Variants in ADAM22 observed in about 807,000 individuals in gnomAD.
ADAM22 encodes disintegrin and metalloproteinase domain-containing protein 22.
In ADAM22, 65 loss-of-function variants were observed where a neutral mutation model predicts 144.6. That is an observed-to-expected ratio of 0.45 (90% CI 0.37 to 0.55). The LOEUF (loss-of-function observed/expected upper bound fraction) is 0.55, where lower values mean the gene tolerates loss of function less well. Ranked by LOEUF, ADAM22 falls within the 20% of genes least tolerant of loss-of-function variation. The pLI is 0.00. For synonymous variants in ADAM22, 391 were observed against 412.6 expected (o/e 0.95, Z 0.63); for missense variants, 974 against 1,184.9 (o/e 0.82, Z 2.61).
chr7:88,035,827 T>C (rs1021217085), intron 3 of ADAM22, among the ~76,000 whole-genome samples: 3 of 152,206 alleles, frequency 2.0e-5, no homozygotes, highest in Admixed American at 2.0e-4. Flanking sequence ...CAAGGGATGA[T>C]TTTAGTCGTG....
intron 2 of ADAM22, among the ~76,000 whole-genome samples, chr7:87,955,608 C>A (rs989351035): frequency 6.6e-6 from 1 of 152,174 alleles, no homozygotes; most frequent in African/African-American, 2.4e-5. Context: ...AGGCAGTCTG[C>A]CCGTTCTCAG....
chr7:88,168,352 C>A (rs758040461), intron 25 of ADAM22, 125 bp downstream of exon 25: 2 of 942,172 alleles, frequency 2.1e-6, no homozygotes, highest in South Asian at 1.3e-5. Context: ...CAGCTTGGCT[C>A]AGCAGCCAGT....
intron 3 of ADAM22, among the ~76,000 whole-genome samples, chr7:88,035,059 G>C (rs1292662342): frequency 6.6e-6 from 1 of 152,124 alleles, no homozygotes; most frequent in African/African-American, 2.4e-5. Flanking sequence ...TTCCTGCAGA[G>C]AGGATGACCT....
intron 4 of ADAM22, among the ~76,000 whole-genome samples, chr7:88,101,165 G>A (rs1266178851): frequency 6.6e-6 from 1 of 151,930 alleles, no homozygotes; most frequent in Non-Finnish European, 1.5e-5. Context: ...TTGGTATGGG[G>A]TGAGGCTGTG....
intron 3 of ADAM22, among the ~76,000 whole-genome samples, chr7:88,021,083 C>T (rs955698201): frequency 2.2e-4 from 33 of 152,220 alleles, no homozygotes; most frequent in Non-Finnish European, 3.8e-4. Flanking sequence ...CTCTTATCTT[C>T]TGTCCTGCCT....
intron 22 of ADAM22, among the ~76,000 whole-genome samples, chr7:88,161,227 C>A (rs1841557695): frequency 1.3e-5 from 2 of 149,446 alleles, no homozygotes; most frequent in African/African-American, 2.5e-5. Flanking sequence ...GGAAAGGACT[C>A]CCTATTCAAT....
intron 3 of ADAM22, among the ~76,000 whole-genome samples, chr7:88,069,963 G>A (rs1358177052): frequency 6.6e-6 from 1 of 152,004 alleles, no homozygotes; most frequent in African/African-American, 2.4e-5. Context: ...GTCCTTTTGT[G>A]GTTCTTGGGT....
Position 88,179,189 on chromosome 7 carries a change from TTACTC to T in ADAM22, c.2495+65_2495+69del, listed in dbSNP as rs796587667. ...AAAAATAGTATCCTTTGTTCTTTGA[TTACTC>T]TACTTCAAAATGCCATATGCTCAGA... is the stretch of plus-strand genomic sequence containing the variant. On this transcript the variant is annotated intron_variant, in intron 27 of 31. Transcript: ENST00000413139. The T allele has an allele frequency of 1.0e-3, 661 of 664,030 alleles. 2 individuals carry two copies. Among genetic ancestry groups the T allele is most frequent in the East Asian group, 4.8e-3 (166 of 34,910 alleles). 41.1% of individuals were successfully genotyped at this position (664,030 alleles called of 1,614,324 possible). A position where few individuals can be genotyped will look rare whatever the true frequency, so the allele number is the denominator to read the frequency against.
intron 4 of ADAM22, among the ~76,000 whole-genome samples, chr7:88,101,247 G>C (rs561829355): frequency 6.6e-6 from 1 of 152,208 alleles, no homozygotes; most frequent in African/African-American, 2.4e-5. Flanking sequence ...AGGGTGGGGT[G>C]AGAAAGGGTC....
At chr7:88,167,156 A>G (rs1029090475) in intron 24 of ADAM22, among the ~76,000 whole-genome samples, 1 of 152,178 alleles carries the variant, frequency 6.6e-6, no homozygotes, top group Non-Finnish European at 1.5e-5. Flanking sequence ...TCTGATGTAT[A>G]AAAGGATGCC....
At chr7:88,091,062 G>A (rs1000264330) in intron 4 of ADAM22, among the ~76,000 whole-genome samples, 2 of 152,140 alleles carry the variant, frequency 1.3e-5, no homozygotes, top group Non-Finnish European at 2.9e-5. Context: ...GTCATAGTGA[G>A]CTAGCTTCAT....
At chr7:88,161,327 G>T (rs1405377286) in intron 22 of ADAM22, among the ~76,000 whole-genome samples, 2 of 151,902 alleles carry the variant, frequency 1.3e-5, no homozygotes, top group Non-Finnish European at 2.9e-5. Flanking sequence ...ACTCAAGATA[G>T]ATTGAAGACT....
chr7:87,961,684 A>G (rs180858034), intron 2 of ADAM22, among the ~76,000 whole-genome samples: 4 of 152,324 alleles, frequency 2.6e-5, no homozygotes, highest in African/African-American at 9.6e-5. Context: ...AGATACTTCT[A>G]CTGTGCCTAA....
rs1050184853 is a variant in ADAM22, at chr7:88,128,743, T to G, written c.753+67T>G. The G allele has an allele frequency of 8.4e-6, 11 of 1,305,720 alleles. No individual in the cohort carries two copies. The Admixed American group carries it at 2.3e-4, about 27-fold the overall frequency. 80.9% of individuals were successfully genotyped at this position (1,305,720 alleles called of 1,614,324 possible). On this transcript the variant is annotated intron_variant, in intron 9 of 31. Transcript: ENST00000413139. ...TAAAACTGGTGAGTGCAAAAATATG[T>G]TTAGAAAAAACAAGAAGCCCATCAA...
chr7:88,186,866 CAA>C (rs1029339561), intron 30 of ADAM22, among the ~76,000 whole-genome samples, 165 bp downstream of exon 30: 9 of 152,068 alleles, frequency 5.9e-5, no homozygotes, highest in African/African-American at 1.9e-4. Flanking sequence ...GCTTCGTGAG[CAA>C]GTCTGGTTCT....
At chr7:88,081,718 G>A (rs1488406167) in intron 4 of ADAM22, among the ~76,000 whole-genome samples, 2 of 136,856 alleles carry the variant, frequency 1.5e-5, no homozygotes, top group Non-Finnish European at 3.1e-5. Context: ...GCTAAATCAT[G>A]AGTGAACTCC....
chr7:87,991,158 G>A (rs1789739290), intron 3 of ADAM22, among the ~76,000 whole-genome samples: 1 of 151,978 alleles, frequency 6.6e-6, no homozygotes, highest in South Asian at 2.1e-4. Context: ...TGTATTCTGG[G>A]ACAGGAAGAG....
At chr7:87,987,844 C>T (rs1387801036) in intron 3 of ADAM22, among the ~76,000 whole-genome samples, 2 of 152,144 alleles carry the variant, frequency 1.3e-5, no homozygotes, top group African/African-American at 2.4e-5. Context: ...ACTTCACACT[C>T]TGAATATATG....
intron 12 of ADAM22, among the ~76,000 whole-genome samples, chr7:88,134,088 A>G (rs1832455271): frequency 6.6e-6 from 1 of 152,224 alleles, no homozygotes; most frequent in Non-Finnish European, 1.5e-5. Flanking sequence ...TCCAAAACCC[A>G]AAAGCTGTGA....
Sources: allele counts gnomAD v4.1 joint callset (sites outside exome capture counted in the v4.1 genomes callset), GRCh38; gene constraint gnomAD v4.1.1; transcripts MANE v1.5; gene names NCBI Gene and HGNC (gene_info 2026-07-23, HGNC 2026-07-21).